CCDC27: variants seen among roughly 807,000 people sequenced by gnomAD.
The protein encoded by CCDC27 is coiled-coil domain-containing protein 27.
Under a neutral mutation model 80.3 loss-of-function variants are expected in CCDC27, and 80 were observed. That is an observed-to-expected ratio of 1.00 (90% confidence interval 0.83 to 1.20). CCDC27 has a LOEUF of 1.20. CCDC27 is among the 50% of genes most tolerant of loss of function. The pLI is 0.00. For synonymous variants in CCDC27, 342 were observed against 334.3 expected (o/e 1.02, Z -0.25); for missense variants, 815 against 809.4 (o/e 1.01, Z -0.08).
rs745441166 is a variant in CCDC27 at position 3,756,865 on chromosome 1, G to T, written c.686G>T (p.Trp229Leu). Residue 229 changes from tryptophan to leucine, a missense_variant, in exon 4 of 12, where the codon TGG (tryptophan) becomes TTG (leucine). Trp to Leu is a moderately conservative substitution (Grantham distance 61). Coordinates refer to ENST00000294600, the MANE Select transcript of CCDC27 (RefSeq NM_152492.3). ...AGCTGCCTGAGAAAGAGGATGCCCTGGTACCTCTCAGTCATCCACGAGAAG... is the reference window on the plus strand; with the variant it reads ...AGCTGCCTGAGAAAGAGGATGCCCTTGTACCTCTCAGTCATCCACGAGAAG... Reference protein sequence around the residue: ...SQSCLRKRMPWYLSVIHEKDH... With the variant: ...SQSCLRKRMPLYLSVIHEKDH... 3 of 1,613,420 alleles carry T rather than the reference G, an allele frequency of 1.9e-6. No individual in the cohort carries two copies. The highest frequency in any genetic ancestry group is 2.5e-6 in the Non-Finnish European group (3 of 1,179,928).
Position 3,766,476 on chromosome 1 carries a change from A to T in CCDC27, c.1453-59A>T. ...GGAAGGAAAAAAGTTAGATGCCGGA[A>T]TTCAGTCTGTTATCTAAACCTGGGA... On this transcript the variant is annotated intron_variant, in intron 8 of 11. Coordinates refer to ENST00000294600, the MANE Select transcript of CCDC27 (RefSeq NM_152492.3). The surrounding 1 kb of genome is among the most constrained non-coding windows in gnomAD (Gnocchi z 6.1). 2 of 1,233,984 alleles carry T rather than the reference A, an allele frequency of 1.6e-6. No homozygotes were observed. The highest frequency in any genetic ancestry group is 2.3e-6 in the Non-Finnish European group (2 of 854,992). The allele number at this position is 1,233,984 out of a possible 1,614,324, so 76.4% of individuals were successfully genotyped here.
In CCDC27 at chr1:3,763,882, C is replaced by G. The variant is rs1327344835; in HGVS notation, c.1452+46C>G. 7.5e-6 allele frequency: 12 copies of G among 1,599,854 alleles called. No homozygotes were observed. Among genetic ancestry groups the G allele is most frequent in the Non-Finnish European group, 1.0e-5 (12 of 1,170,880 alleles). On this transcript the variant is annotated intron_variant, in intron 8 of 11. Coordinates refer to ENST00000294600, the MANE Select transcript of CCDC27 (RefSeq NM_152492.3). This position sits in a 1 kb window ranked among gnomAD's most constrained non-coding sequence, Gnocchi z 7.5. ...GGCCTCCGCTCCATGAGCATGGGCC[C>G]CAGGCTTCATTAACCCCCGGCAGCT...
rs144089943 is a variant in CCDC27 at position 3,766,595 on chromosome 1, A to C, written c.1513A>C (p.Asn505His). ...GATGATGGGGCTCATTGAAAAGGAC[A>C]ACCAGCTCCTCCGACAGGTGACAGC... ...QEMMGLIEKD[N>H]QLLRQQVSEL... Residue 505 changes from asparagine (N) to histidine (H), a missense_variant, in exon 9 of 12, where the codon AAC (asparagine) becomes CAC (histidine). By Grantham distance (68) the Asn-to-His change is moderately conservative. Coordinates refer to ENST00000294600, the MANE Select transcript of CCDC27 (RefSeq NM_152492.3). The surrounding 1 kb of genome is among the most constrained non-coding windows in gnomAD (Gnocchi z 6.1). The C allele has an allele frequency of 5.0e-3, 8,121 of 1,613,714 alleles. 113 individuals carry two copies. The highest frequency in any genetic ancestry group is 0.041 in the Middle Eastern group (251 of 6,062).
In CCDC27 at chr1:3,763,023, C is replaced by T. The variant is rs1269335348; in HGVS notation, c.955-85C>T. ...GCAGCCTGGAAGGAGGCGCCCTCCC[C>T]GGTGCCCCCGCCATGAGCATTAGAG... On this transcript the variant is annotated intron_variant, in intron 6 of 11. Transcript: ENST00000294600. The surrounding 1 kb of genome is among the most constrained non-coding windows in gnomAD (Gnocchi z 7.5). The T allele has an allele frequency of 2.8e-5, 39 of 1,409,428 alleles. No homozygotes were observed. Among genetic ancestry groups the T allele is most frequent in the Non-Finnish European group, 3.3e-5 (35 of 1,075,486 alleles). 87.3% of individuals were successfully genotyped at this position (1,409,428 alleles called of 1,614,324 possible).
intron 3 of CCDC27, 154 bp downstream of exon 3, chr1:3,755,721 G>T (rs1642937043): frequency 4.6e-6 from 3 of 650,882 alleles, no homozygotes; most frequent in Non-Finnish European, 8.2e-6. Flanking sequence ...GGCCTCCCTT[G>T]TGCAGAACTA....
rs762361664 is a variant in CCDC27, at chr1:3,761,464, T to C, written c.861+34T>C. On this transcript the variant is annotated intron_variant, in intron 5 of 11. Coordinates refer to ENST00000294600, the MANE Select transcript of CCDC27 (RefSeq NM_152492.3). This position sits in a 1 kb window ranked among gnomAD's most constrained non-coding sequence, Gnocchi z 5.0. Reference sequence around the variant, plus strand: ...GCCCCAGCGGGGCACAGCGCAGAGCTCTAAGACGGTTGTTTTCAAAGCGTC... The same window carrying C: ...GCCCCAGCGGGGCACAGCGCAGAGCCCTAAGACGGTTGTTTTCAAAGCGTC... 1.3e-6 allele frequency: 2 copies of C among 1,598,356 alleles called. No homozygotes were observed. Among genetic ancestry groups the C allele is most frequent in the South Asian group, 1.1e-5 (1 of 89,574 alleles).
At chr1:3,753,240 T>C (rs1355582224) in intron 1 of CCDC27, among the ~76,000 whole-genome samples, 3 of 152,116 alleles carry the variant, frequency 2.0e-5, no homozygotes, top group Non-Finnish European at 4.4e-5. Flanking sequence ...GAGCCCGAGA[T>C]GGTCACCCCG....
chr1:3,759,910 C>T (rs1421061162), intron 4 of CCDC27, among the ~76,000 whole-genome samples: 1 of 152,180 alleles, frequency 6.6e-6, no homozygotes, highest in African/African-American at 2.4e-5. Flanking sequence ...CCAGGTCATG[C>T]GTATGAACCA....
rs1322986671 is a variant in CCDC27 at position 3,761,931 on chromosome 1, C to G, written c.861+501C>G. ...GCCCTGGCCAGGAATCCCTTCTCCCCACTCTCTGGCTGTGAAGCCCCCTGC... is the reference window on the plus strand; with the variant it reads ...GCCCTGGCCAGGAATCCCTTCTCCCGACTCTCTGGCTGTGAAGCCCCCTGC... On this transcript the variant is annotated intron_variant, in intron 5 of 11. Transcript: ENST00000294600. The surrounding 1 kb of genome is among the most constrained non-coding windows in gnomAD (Gnocchi z 5.0). Among the ~76,000 whole-genome samples the G allele has an allele frequency of 6.6e-6, 1 of 151,544 alleles. No homozygotes were observed. The highest frequency in any genetic ancestry group is 1.5e-5 in the Non-Finnish European group (1 of 67,854).
chr1:3,755,713 C>T (rs1642936870), intron 3 of CCDC27, 146 bp downstream of exon 3: 1 of 679,192 alleles, frequency 1.5e-6, no homozygotes, highest in East Asian at 2.7e-5. Flanking sequence ...GGCCTCCGGG[C>T]CTCCCTTGTG....
chr1:3,754,032 G>C, intron 1 of CCDC27, 86 bp from the exon 2 acceptor site: 2 of 1,555,908 alleles, frequency 1.3e-6, no homozygotes, highest in Non-Finnish European at 1.7e-6. Context: ...ATTTGTGATG[G>C]TTTAGGGAAA....
chr1:3,767,454 A>G lies in CCDC27; in HGVS notation c.1743+9A>G, dbSNP rs765858437. 1.9e-6 allele frequency: 3 copies of G among 1,603,968 alleles called. No homozygotes were observed. In the African/African-American group the frequency reaches 4.0e-5, roughly 21 times the overall value. On this transcript the variant is annotated intron_variant, in intron 10 of 11. Transcript: ENST00000294600. ...AGAGCTCCCAGTCCAGGGTATGCCC[A>G]GCCCTTCCTCCTGAGGGTCTGTCCC...
In CCDC27 at chr1:3,761,658, G is replaced by C. The variant is rs1009160129; in HGVS notation, c.861+228G>C. Among the ~76,000 whole-genome samples the C allele has an allele frequency of 2.0e-4, 30 of 152,264 alleles. No homozygotes were observed. The highest frequency in any genetic ancestry group is 7.7e-4 in the East Asian group (4 of 5,184). On this transcript the variant is annotated intron_variant, in intron 5 of 11. Transcript: ENST00000294600. The surrounding 1 kb of genome is among the most constrained non-coding windows in gnomAD (Gnocchi z 5.0). ...AGAGCCATGAGCTGATGCAACAGGG[G>C]GGGGAGAGATGAATGGAGGCGCAAA...
chr1:3,770,868 C>A (rs973698216), intron 11 of CCDC27, among the ~76,000 whole-genome samples: 4 of 152,134 alleles, frequency 2.6e-5, no homozygotes, highest in Admixed American at 6.5e-5. Flanking sequence ...GTTATTCCCA[C>A]CGCACAGTAG....
rs917681960 is a variant in CCDC27 at position 3,760,544 on chromosome 1, A to T, written c.712-737A>T. On this transcript the variant is annotated intron_variant, in intron 4 of 11. Transcript: ENST00000294600. This position sits in a 1 kb window ranked among gnomAD's most constrained non-coding sequence, Gnocchi z 4.3. ...TTAATCACAACTTTAACTGCGTCCCACGAGCTTTGATGTGTCCGGATGTTC... is the reference window on the plus strand; with the variant it reads ...TTAATCACAACTTTAACTGCGTCCCTCGAGCTTTGATGTGTCCGGATGTTC... 6.6e-6 allele frequency among the ~76,000 whole-genome samples: 1 copy of T among 152,206 alleles called. No homozygotes were observed. Among genetic ancestry groups the T allele is most frequent in the African/African-American group, 2.4e-5 (1 of 41,444 alleles).
Position 3,760,685 on chromosome 1 carries a change from C to T in CCDC27, c.712-596C>T, listed in dbSNP as rs1302919301. Among the ~76,000 whole-genome samples the T allele has an allele frequency of 6.6e-6, 1 of 152,186 alleles. No individual in the cohort carries two copies. Among genetic ancestry groups the T allele is most frequent in the Admixed American group, 6.5e-5 (1 of 15,280 alleles). The stretch of plus-strand genomic sequence containing the variant: ...TTAGGGGACTTTCTAGTTATCTTTC[C>T]TTCCAGAATATTCTGTTGGGATCAT... On this transcript the variant is annotated intron_variant, in intron 4 of 11. Coordinates refer to ENST00000294600, the MANE Select transcript of CCDC27 (RefSeq NM_152492.3). The surrounding 1 kb of genome is among the most constrained non-coding windows in gnomAD (Gnocchi z 4.3).
chr1:3,771,476 T>G lies in CCDC27; in HGVS notation c.1924T>G (p.Ser642Ala). 8 of 1,613,856 alleles carry G rather than the reference T, an allele frequency of 5.0e-6. No individual in the cohort carries two copies. The highest frequency in any genetic ancestry group is 6.8e-6 in the Non-Finnish European group (8 of 1,179,962). The change falls in exon 12 of 12, where the codon TCA becomes GCA. Residue 642 changes from serine (S) to alanine (A), a missense_variant. Physicochemically the swap from Ser to Ala is moderately conservative, Grantham distance 99. Transcript: ENST00000294600. ...CGTCAAAGTGCCCCCCCTGCAACAG[T>G]CAGAGGCCTTCCTGACCAGCAAATC... Reference protein sequence around the residue: ...KGVKVPPLQQSEAFLTSKSKK... With the variant: ...KGVKVPPLQQAEAFLTSKSKK...
At chr1:3,770,890 C>G (rs1185819115) in intron 11 of CCDC27, among the ~76,000 whole-genome samples, 8 of 152,166 alleles carry the variant, frequency 5.3e-5, no homozygotes, top group Non-Finnish European at 1.0e-4. Flanking sequence ...CAGGGAAGAG[C>G]ACCTTTGCTT....
chr1:3,755,649 G>C, intron 3 of CCDC27, 82 bp downstream of exon 3: 1 of 1,196,304 alleles, frequency 8.4e-7, no homozygotes, highest in African/African-American at 1.5e-5. Context: ...CGCTGCTTGT[G>C]CCCTGCGGAA....
Sources: gnomAD v4.1 joint callset for allele counts (sites outside exome capture counted in the v4.1 genomes callset) on GRCh38, gnomAD v4.1.1 for gene constraint, Gnocchi (gnomAD v3.1) non-coding constraint, MANE v1.5 for transcripts, NCBI Gene and HGNC (gene_info 2026-07-23, HGNC 2026-07-21) for gene names.